ATOX1: variants seen among roughly 807,000 people sequenced by gnomAD.
ATOX1 encodes the protein antioxidant 1 copper chaperone, also known as copper transport protein ATOX1.
ATOX1 carries 4 observed loss-of-function variants against 7.3 expected under a neutral mutation model. The ratio of observed to expected loss-of-function variants is 0.55; its 90% CI spans 0.27 to 1.25. The LOEUF (loss-of-function observed/expected upper bound fraction) is 1.25. Among genes scored for constraint, ATOX1 ranks in the 50% most tolerant of loss-of-function variants. The probability of loss-of-function intolerance (pLI) is 0.12; values close to 1 mark genes in which losing one functional copy is unlikely to be tolerated. For synonymous variants in ATOX1, 25 were observed against 28.7 expected (o/e 0.87, Z 0.41); for missense variants, 68 against 81.6 (o/e 0.83, Z 0.64).
chr5:151,750,111 T>C (rs189531024), intron 2 of ATOX1, among the ~76,000 whole-genome samples: 11 of 152,356 alleles, frequency 7.2e-5, no homozygotes, highest in Non-Finnish European at 1.5e-4. Flanking sequence ...GAAGGCTGAC[T>C]GAGCACTGGC....
intron 1 of ATOX1, chr5:151,752,099 T>G: frequency 1.7e-6 from 1 of 603,900 alleles, no homozygotes; most frequent in East Asian, 2.7e-5. Context: ...CACTGATTCT[T>G]GAGCTATGAG....
chr5:151,750,871 G>A (rs997742703), intron 2 of ATOX1, among the ~76,000 whole-genome samples: 4 of 151,396 alleles, frequency 2.6e-5, no homozygotes, highest in African/African-American at 4.8e-5. Context: ...GGCTGGTCTC[G>A]GGAACTCCTG....
intron 1 of ATOX1, 82 bp from the exon 2 acceptor site, chr5:151,751,861 T>A: frequency 7.1e-7 from 1 of 1,402,114 alleles, no homozygotes; most frequent in South Asian, 1.3e-5. Flanking sequence ...CCACTCAGGG[T>A]CAAGACAGAA....
intron 2 of ATOX1, among the ~76,000 whole-genome samples, chr5:151,748,005 T>C (rs1761899555): frequency 6.6e-6 from 1 of 152,244 alleles, no homozygotes; most frequent in Non-Finnish European, 1.5e-5. Flanking sequence ...ACTATCACAA[T>C]GTTATAGTAA....
At chr5:151,750,475 C>T (rs573289221) in intron 2 of ATOX1, among the ~76,000 whole-genome samples, 5 of 130,584 alleles carry the variant, frequency 3.8e-5, no homozygotes, top group East Asian at 4.5e-4. Flanking sequence ...CACTGCACTC[C>T]AGCCTGGGCA....
chr5:151,743,070 A>G (rs1462806036), intron 3 of ATOX1, 111 bp from the exon 4 acceptor site: 1 of 152,494 alleles, frequency 6.6e-6, no homozygotes, highest in East Asian at 1.9e-4. Flanking sequence ...GGGGTGCACT[A>G]AGAGTCTTGC....
chr5:151,756,205 G>A (rs1407016465), intron 1 of ATOX1, among the ~76,000 whole-genome samples: 2 of 151,926 alleles, frequency 1.3e-5, no homozygotes, highest in African/African-American at 4.8e-5. Flanking sequence ...GCCTCCCAAA[G>A]TGCTGGGATT....
intron 1 of ATOX1, among the ~76,000 whole-genome samples, chr5:151,757,156 C>T (rs1036544911): frequency 3.3e-5 from 5 of 152,186 alleles, no homozygotes; most frequent in Non-Finnish European, 5.9e-5. Context: ...CCTTGACTAA[C>T]ACCCTCTTTC....
At chr5:151,753,569 T>C (rs751876749) in intron 1 of ATOX1, among the ~76,000 whole-genome samples, 5 of 152,236 alleles carry the variant, frequency 3.3e-5, no homozygotes, top group Non-Finnish European at 7.3e-5. Flanking sequence ...TGTAGTGATA[T>C]ATCTTGCTAG....
intron 3 of ATOX1, chr5:151,744,332 GAGTT>G (rs926576778): frequency 6.6e-6 from 1 of 152,302 alleles, no homozygotes; most frequent in Admixed American, 6.5e-5. Flanking sequence ...AAGCTTGCAG[GAGTT>G]ATTTATATCC....
chr5:151,758,572 G>A lies in ATOX1; in HGVS notation c.-21C>T. The A allele has an allele frequency of 1.4e-6, 2 of 1,418,888 alleles. No homozygotes were observed. The highest frequency in any genetic ancestry group is 1.9e-6 in the Non-Finnish European group (2 of 1,080,518). 87.9% of individuals were successfully genotyped at this position (1,418,888 alleles called of 1,614,324 possible). On this transcript the variant is annotated 5_prime_UTR_variant, in exon 1 of 4. Coordinates refer to ENST00000313115, the MANE Select transcript of ATOX1 (RefSeq NM_004045.4). ...GGCATGACTGAGGCAGCGGCGGTGT[G>A]GCGGCGGTGTGGCGGCGGTGTCAGC...
intron 2 of ATOX1, among the ~76,000 whole-genome samples, chr5:151,747,589 CTTT>C (rs768787270): frequency 3.2e-5 from 4 of 124,952 alleles, no homozygotes; most frequent in Non-Finnish European, 5.2e-5. Context: ...CCGGTCCATT[CTTT>C]TTTTTTTTTT....
At chr5:151,749,441 C>T (rs568569784) in intron 2 of ATOX1, among the ~76,000 whole-genome samples, 61 of 150,542 alleles carry the variant, frequency 4.1e-4, no homozygotes, top group African/African-American at 1.4e-3. Flanking sequence ...GCTGAGATCA[C>T]GCCATTGCAC....
At chr5:151,756,103 G>A (rs1487490973) in intron 1 of ATOX1, among the ~76,000 whole-genome samples, 2 of 151,834 alleles carry the variant, frequency 1.3e-5, no homozygotes, top group Non-Finnish European at 2.9e-5. Context: ...CACCATGCCC[G>A]GCTAATTTTT....
intron 1 of ATOX1, among the ~76,000 whole-genome samples, chr5:151,754,995 A>AG: frequency 6.6e-6 from 1 of 151,848 alleles, no homozygotes; most frequent in African/African-American, 2.4e-5. Context: ...AAAAAAAAAA[A>AG]AAAAAAGAAA....
intron 2 of ATOX1, among the ~76,000 whole-genome samples, chr5:151,748,624 G>A (rs1472687380): frequency 6.6e-6 from 1 of 152,204 alleles, no homozygotes; most frequent in East Asian, 1.9e-4. Context: ...CACTTTGGGA[G>A]GCTGAGGCGA....
At chr5:151,745,764 A>G (rs1761872740) in intron 3 of ATOX1, 1 of 153,076 alleles carries the variant, frequency 6.5e-6, no homozygotes, top group Non-Finnish European at 1.5e-5. Flanking sequence ...TAGTCAGTTT[A>G]TCAAAGCCAG....
chr5:151,746,547 C>CCTTG lies in ATOX1; in HGVS notation c.83-102_83-99dup, dbSNP rs566300944. 1.3e-4 allele frequency: 193 copies of CCTTG among 1,512,616 alleles called. 1 individual carries two copies. In the South Asian group the frequency reaches 2.2e-3, roughly 17 times the overall value. 93.7% of individuals were successfully genotyped at this position (1,512,616 alleles called of 1,614,324 possible). On this transcript the variant is annotated intron_variant, in intron 2 of 3. Coordinates refer to ENST00000313115, the MANE Select transcript of ATOX1 (RefSeq NM_004045.4). ...GCTCTAAATTACTACTCACAACCAC[C>CCTTG]CTTGCCCTTTCCTCTAGAGCAGGGA...
rs59348695 is a variant in ATOX1 at position 151,751,256 on chromosome 5, CAAAAAA to C, written c.82+442_82+447del. ...GAGCAAGAAGAGCGAAACTCTGTCT[CAAAAAA>C]AAAAAAAAAAAAAAAAATTCAATAG... On this transcript the variant is annotated intron_variant, in intron 2 of 3. Coordinates refer to ENST00000313115, the MANE Select transcript of ATOX1 (RefSeq NM_004045.4). 9.5e-5 allele frequency among the ~76,000 whole-genome samples: 6 copies of C among 63,486 alleles called. No homozygotes were observed. The South Asian group carries it at 2.9e-3, about 30-fold the overall frequency. The allele number at this position is 63,486 out of a possible 152,430, so 41.6% of individuals were successfully genotyped here.
Sources: gnomAD v4.1 joint callset for allele counts (sites outside exome capture counted in the v4.1 genomes callset) on GRCh38, gnomAD v4.1.1 for gene constraint, MANE v1.5 for transcripts, NCBI Gene and HGNC (gene_info 2026-07-23, HGNC 2026-07-21) for gene names.